C17orf99: variants seen among roughly 807,000 people sequenced by gnomAD.
C17orf99 encodes the protein protein IL-40.
A neutral mutation model predicts 22.6 loss-of-function variants in C17orf99; 18 were observed. The observed-to-expected ratio is 0.80, with a 90% confidence interval of 0.55 to 1.18. The LOEUF is 1.18. C17orf99 is among the 50% of genes most tolerant of loss of function. The probability of loss-of-function intolerance (pLI) is 0.00; values close to 1 mark genes in which losing one functional copy is unlikely to be tolerated. For synonymous variants in C17orf99, 147 were observed against 136.6 expected (o/e 1.08, Z -0.53); for missense variants, 328 against 342.7 (o/e 0.96, Z 0.34).
intron 3 of C17orf99, among the ~76,000 whole-genome samples, chr17:78,162,848 C>T (rs767988622): frequency 2.0e-5 from 3 of 152,190 alleles, no homozygotes; most frequent in East Asian, 1.9e-4. Flanking sequence ...TGCAGTGGCA[C>T]GATCTCGGCT....
chr17:78,154,140 G>A (rs2075507553), intron 2 of C17orf99, among the ~76,000 whole-genome samples: 1 of 151,698 alleles, frequency 6.6e-6, no homozygotes, highest in Admixed American at 6.6e-5. Flanking sequence ...TGCCCAGGCT[G>A]GCTTTGAACT....
chr17:78,158,496 C>T (rs534617811), intron 2 of C17orf99: 8 of 187,162 alleles, frequency 4.3e-5, no homozygotes, highest in Admixed American at 1.7e-4. Context: ...GGGGTTTCAC[C>T]GTGTTAGCCA....
At position 78,164,235 on chromosome 17, in the gene C17orf99, C is replaced by G. The variant is rs2075600298; in HGVS notation, c.511C>G (p.Gln171Glu). 1 of 1,551,468 alleles carries G rather than the reference C, an allele frequency of 6.4e-7. No individual in the cohort carries two copies. The change falls in exon 4 of 5, where the codon CAG becomes GAG. Residue 171 changes from glutamine (Q) to glutamate (E), a missense_variant. Gln to Glu is a conservative substitution (Grantham distance 29). Transcript: ENST00000340363. ...CGGGAAGGATGGGCAGGTCCACCTG[C>G]AGCAGAGACCATGCCACAGGCAGCC... ...LIGKDGQVHL[Q>E]QRPCHRQPAN...
Position 78,146,721 on chromosome 17 carries a change from A to G in C17orf99, c.38-158A>G. 1 of 728,318 alleles carries G rather than the reference A, an allele frequency of 1.4e-6. No homozygotes were observed. The highest frequency in any genetic ancestry group is 2.3e-6 in the Non-Finnish European group (1 of 429,058). The allele number at this position is 728,318 out of a possible 1,614,324, so 45.1% of individuals were successfully genotyped here. Reference sequence around the variant, plus strand: ...GATGTTGTGGGGGGAGGGGCGCAAAAGAGCTTTTGTGAGTGATGGTGCCAG... The same window carrying G: ...GATGTTGTGGGGGGAGGGGCGCAAAGGAGCTTTTGTGAGTGATGGTGCCAG... On this transcript the variant is annotated intron_variant, in intron 1 of 4. Coordinates refer to ENST00000340363, the MANE Select transcript of C17orf99 (RefSeq NM_001163075.2). This position sits in a 1 kb window ranked among gnomAD's most constrained non-coding sequence, Gnocchi z 5.2.
rs2075584751 is a variant in C17orf99, at chr17:78,162,361, A to G, written c.370+1107A>G. Among the ~76,000 whole-genome samples the G allele has an allele frequency of 1.3e-5, 2 of 151,572 alleles. 1 individual carries two copies. Among genetic ancestry groups the G allele is most frequent in the Middle Eastern group, 6.9e-3 (2 of 290 alleles). On this transcript the variant is annotated intron_variant, in intron 3 of 4. Transcript: ENST00000340363. ...TCAAACCCCACTCTGTCCAGCTCCA[A>G]ACCCTGCCTTCTTCCTGTTTCCATC...
Position 78,161,214 on chromosome 17 carries a change from G to A in C17orf99, c.330G>A (p.Val110=). The A allele has an allele frequency of 6.4e-7, 1 of 1,551,778 alleles. No homozygotes were observed. Among genetic ancestry groups the A allele is most frequent in the Non-Finnish European group, 8.7e-7 (1 of 1,146,982 alleles). Reference sequence around the variant, plus strand: ...CGTCCTCCACCTCAGGTGCCCATGTGGACAGTGCCAGGCTACAGATGCACT... The same window carrying A: ...CGTCCTCCACCTCAGGTGCCCATGTAGACAGTGCCAGGCTACAGATGCACT... ...CWASSTSGAH[V]DSARLQMHWE... Residue 110 remains valine (V), a synonymous_variant, in exon 3 of 5, where the codon GTG becomes GTA. Coordinates refer to ENST00000340363, the MANE Select transcript of C17orf99 (RefSeq NM_001163075.2).
At chr17:78,161,455 CCCTGAGGGCACAGTCTCCTGGCAGGGG>C (rs964156183) in intron 3 of C17orf99, among the ~76,000 whole-genome samples, 4 of 152,138 alleles carry the variant, frequency 2.6e-5, no homozygotes, top group Non-Finnish European at 5.9e-5. Flanking sequence ...CTGGCTGGGG[CCCTGAGGGCACAGTCTCCTGGCAGGGG>C]CCTGAGGGCA....
In C17orf99 at chr17:78,156,124, G is replaced by A. The variant is rs962107503; in HGVS notation, c.71-4831G>A. On this transcript the variant is annotated intron_variant, in intron 2 of 4. Coordinates refer to ENST00000340363, the MANE Select transcript of C17orf99 (RefSeq NM_001163075.2). ...GCAGGCGGATCACCTGAGGTCAAGA[G>A]TTCGAGACCAGCCTGGCCAATGTGG... 3.3e-4 allele frequency among the ~76,000 whole-genome samples: 50 copies of A among 151,136 alleles called. 2 individuals carry two copies. The highest frequency in any genetic ancestry group is 9.9e-4 in the Admixed American group (15 of 15,176).
At chr17:78,156,493 G>C (rs967776710) in intron 2 of C17orf99, among the ~76,000 whole-genome samples, 6 of 152,100 alleles carry the variant, frequency 3.9e-5, no homozygotes, top group African/African-American at 1.4e-4. Flanking sequence ...GGTGGGTGAA[G>C]GCCTGCTGGA....
chr17:78,146,454 C>T lies in C17orf99; in HGVS notation c.37+10C>T, dbSNP rs761296148. On this transcript the variant is annotated intron_variant, in intron 1 of 4. Coordinates refer to ENST00000340363, the MANE Select transcript of C17orf99 (RefSeq NM_001163075.2). The surrounding 1 kb of genome is among the most constrained non-coding windows in gnomAD (Gnocchi z 5.2). ...TGCTTGGCCGTGCTGGGTGAGTCCA[C>T]CAGGGACGTGATGGTGGGGCTGCTG... The T allele has an allele frequency of 1.2e-5, 19 of 1,549,594 alleles. No individual in the cohort carries two copies. The highest frequency in any genetic ancestry group is 7.3e-5 in the East Asian group (3 of 40,888).
rs1403916577 is a variant in C17orf99 at position 78,164,070 on chromosome 17, G to T, written c.371-25G>T. The T allele has an allele frequency of 1.9e-6, 3 of 1,545,780 alleles. No homozygotes were observed. In the Admixed American group the frequency reaches 5.9e-5, roughly 30 times the overall value. ...GGTTTAAAACCGCTCAGCCATGCCT[G>T]TGCTACCTTCTCCCACCCTGCCAGA... is the stretch of plus-strand genomic sequence containing the variant. On this transcript the variant is annotated intron_variant, in intron 3 of 4. Transcript: ENST00000340363.
In C17orf99 at chr17:78,165,908, G is replaced by A; in HGVS notation, c.660G>A (p.Glu220=). 2 of 1,371,916 alleles carry A rather than the reference G, an allele frequency of 1.5e-6. No homozygotes were observed. Among genetic ancestry groups the A allele is most frequent in the East Asian group, 2.7e-5 (1 of 36,482 alleles). 85.0% of individuals were successfully genotyped at this position (1,371,916 alleles called of 1,614,324 possible). A position where few individuals can be genotyped will look rare whatever the true frequency, so the allele number is the denominator to read the frequency against. ...VVPPGGDQKM[E]DWQGPLESPI... is the part of the protein sequence containing the mutation. ...GTCAAGGTGGTGACCAGAAGATGGA[G>A]GACTGGCAGGGTCCCCTGGAGAGCC... Residue 220 remains glutamate (E), a synonymous_variant, in exon 5 of 5, where the codon GAG becomes GAA. Coordinates refer to ENST00000340363, the MANE Select transcript of C17orf99 (RefSeq NM_001163075.2).
chr17:78,164,024 G>A lies in C17orf99; in HGVS notation c.371-71G>A, dbSNP rs2075598027. 5 of 1,300,034 alleles carry A rather than the reference G, an allele frequency of 3.8e-6. No homozygotes were observed. In the Admixed American group the frequency reaches 9.9e-5, roughly 26 times the overall value. The allele number at this position is 1,300,034 out of a possible 1,614,324, so 80.5% of individuals were successfully genotyped here. On this transcript the variant is annotated intron_variant, in intron 3 of 4. Coordinates refer to ENST00000340363, the MANE Select transcript of C17orf99 (RefSeq NM_001163075.2). ...AGCTCATTAGGCATTTTGTAATGAG[G>A]AGAACTTACTGAGGAGGAGGGGTTT...
chr17:78,165,853 A>G, intron 4 of C17orf99, 36 bp from the exon 5 acceptor site: 1 of 1,289,572 alleles, frequency 7.8e-7, no homozygotes, highest in Non-Finnish European at 9.9e-7. Context: ...CTGGGAGGTG[A>G]GCCTGCCTGA....
intron 2 of C17orf99, among the ~76,000 whole-genome samples, chr17:78,152,626 C>T (rs867621451): frequency 1.5e-4 from 21 of 139,608 alleles, no homozygotes; most frequent in African/African-American, 5.2e-4. Context: ...TGAGCCACTG[C>T]ACCCAGCCAA....
chr17:78,146,397 C>G lies in C17orf99; in HGVS notation c.-11C>G. The G allele has an allele frequency of 3.9e-6, 6 of 1,550,152 alleles. No individual in the cohort carries two copies. The highest frequency in any genetic ancestry group is 5.2e-6 in the Non-Finnish European group (6 of 1,146,796). On this transcript the variant is annotated 5_prime_UTR_variant, in exon 1 of 5. Transcript: ENST00000340363. The surrounding 1 kb of genome is among the most constrained non-coding windows in gnomAD (Gnocchi z 5.2). ...TCACTGCCCGAGCAGAGGCCCTACACCCACCGAGGCATGGGGCTCCCTGGG... is the reference window on the plus strand; with the variant it reads ...TCACTGCCCGAGCAGAGGCCCTACAGCCACCGAGGCATGGGGCTCCCTGGG...
intron 2 of C17orf99, among the ~76,000 whole-genome samples, chr17:78,148,599 A>T (rs2075453555): frequency 6.6e-6 from 1 of 152,102 alleles, no homozygotes; most frequent in South Asian, 2.1e-4. Context: ...CCAGGTAGGT[A>T]GGGGAAGGAG....
At chr17:78,164,023 G>A (rs543981391) in intron 3 of C17orf99, 72 bp from the exon 4 acceptor site, 2 of 1,296,072 alleles carry the variant, frequency 1.5e-6, no homozygotes, top group South Asian at 1.3e-5. Flanking sequence ...TTTGTAATGA[G>A]GAGAACTTAC....
In C17orf99 at chr17:78,146,441, C is replaced by T. The variant is rs776094451; in HGVS notation, c.34C>T (p.Leu12=). The T allele has an allele frequency of 6.5e-7, 1 of 1,550,118 alleles. No homozygotes were observed. Among genetic ancestry groups the T allele is most frequent in the South Asian group, 1.2e-5 (1 of 84,034 alleles). ...GLPGLFCLAV[L]AASSFSKARE... ...CCCTGGGCTGTTCTGCTTGGCCGTG[C>T]TGGGTGAGTCCACCAGGGACGTGAT... is the stretch of plus-strand genomic sequence containing the variant. The change falls in exon 1 of 5, where the codon CTG becomes TTG. Residue 12 remains leucine (L), a synonymous_variant. Coordinates refer to ENST00000340363, the MANE Select transcript of C17orf99 (RefSeq NM_001163075.2). This position sits in a 1 kb window ranked among gnomAD's most constrained non-coding sequence, Gnocchi z 5.2.
Sources: gnomAD v4.1 joint callset for allele counts (sites outside exome capture counted in the v4.1 genomes callset) on GRCh38, gnomAD v4.1.1 for gene constraint, Gnocchi (gnomAD v3.1) non-coding constraint, MANE v1.5 for transcripts, NCBI Gene and HGNC (gene_info 2026-07-23, HGNC 2026-07-21) for gene names.